Variants in MYO7B observed in about 807,000 individuals in gnomAD.
MYO7B encodes the protein myosin VIIB.
In MYO7B, 212 loss-of-function variants were observed where a neutral mutation model predicts 259.7. The ratio of observed to expected loss-of-function variants is 0.82; its 90% CI spans 0.73 to 0.91. The LOEUF (loss-of-function observed/expected upper bound fraction) is 0.91, where lower values mean the gene tolerates loss of function less well. Among genes scored for constraint, MYO7B ranks in the 40% least tolerant of loss-of-function variants. The pLI is 0.00. For synonymous variants in MYO7B, 1,197 were observed against 1,166.4 expected (o/e 1.03, Z -0.54); for missense variants, 2,732 against 2,813.5 (o/e 0.97, Z 0.66).
chr2:127,564,114 G>A (rs1034404024), intron 2 of MYO7B, 39 bp from the exon 3 acceptor site: 2 of 1,376,404 alleles, frequency 1.5e-6, no homozygotes, highest in Middle Eastern at 1.8e-4. Flanking sequence ...GGGGAAGAGA[G>A]AGCGGGGATC....
At position 127,634,244 on chromosome 2, in the gene MYO7B, G is replaced by A; in HGVS notation, c.5580G>A (p.Leu1860=). Residue 1860 remains leucine (L), a synonymous_variant, in exon 41 of 48, where the codon CTG becomes CTA. Coordinates refer to ENST00000409816, the MANE Select transcript of MYO7B (RefSeq NM_001393586.1). The part of the protein sequence containing the change: ...VCDSIATRLQ[L]ASWEGCSLFI... ...ACAGCATTGCCACCAGGCTGCAGCT[G>A]GCCTCCTGGGAGGGCTGCAGCCTCT... 6.3e-7 allele frequency: 1 copy of A among 1,596,402 alleles called. No individual in the cohort carries two copies. The highest frequency in any genetic ancestry group is 8.5e-7 in the Non-Finnish European group (1 of 1,174,914).
At position 127,596,351 on chromosome 2, in the gene MYO7B, C is replaced by T. The variant is rs1679768588; in HGVS notation, c.2245-111C>T. On this transcript the variant is annotated intron_variant, in intron 18 of 47. Coordinates refer to ENST00000409816, the MANE Select transcript of MYO7B (RefSeq NM_001393586.1). ...TGAGGGCCCCCTTCTCTGGCCTGCCCTCCTGGGAGAAGCCTGAGAGATGCT... is the reference window on the plus strand; with the variant it reads ...TGAGGGCCCCCTTCTCTGGCCTGCCTTCCTGGGAGAAGCCTGAGAGATGCT... 14 of 884,100 alleles carry T rather than the reference C, an allele frequency of 1.6e-5. No homozygotes were observed. In the Admixed American group the frequency reaches 2.7e-4, roughly 17 times the overall value. 54.8% of individuals were successfully genotyped at this position (884,100 alleles called of 1,614,324 possible).
chr2:127,636,512 C>T lies in MYO7B; in HGVS notation c.6124-33C>T, dbSNP rs747663479. The T allele has an allele frequency of 1.3e-6, 2 of 1,590,222 alleles. No homozygotes were observed. The highest frequency in any genetic ancestry group is 3.5e-5 in the Admixed American group (2 of 56,934). ...GGGAGGTGCAGCCTGGCCTCCCGGG[C>T]TGGACTATGACCGCCGTGTCCCTCC... On this transcript the variant is annotated intron_variant, in intron 45 of 47. Transcript: ENST00000409816. This position sits in a 1 kb window ranked among gnomAD's most constrained non-coding sequence, Gnocchi z 4.5.
In MYO7B at chr2:127,632,364, GC is replaced by G. The variant is rs746320826; in HGVS notation, c.5373del (p.Asp1792ThrfsTer10). The G allele has an allele frequency of 4.5e-5, 71 of 1,587,416 alleles. No individual in the cohort carries two copies. The highest frequency in any genetic ancestry group is 5.8e-5 in the Non-Finnish European group (68 of 1,166,394). On this transcript the variant is annotated frameshift_variant, in exon 39 of 48. Transcript: ENST00000409816. LOFTEE classifies it high-confidence loss of function. ...FIDTRRGKLL[A>X]PDCSRRIQKV... is the part of the protein sequence containing the mutation. Reference sequence around the variant, plus strand: ...AGACACTCGGAGGGGGAAGCTGCTGGCCCCCGACTGCAGCCGCCGAATCCAG... The same window carrying G: ...AGACACTCGGAGGGGGAAGCTGCTGGCCCCGACTGCAGCCGCCGAATCCAG...
intron 1 of MYO7B, among the ~76,000 whole-genome samples, chr2:127,541,327 C>G (rs1692996836): frequency 6.6e-6 from 1 of 152,356 alleles, no homozygotes; most frequent in South Asian, 2.1e-4. Context: ...CGAGGGCTGT[C>G]TCTCCTATGC....
intron 1 of MYO7B, among the ~76,000 whole-genome samples, chr2:127,538,220 A>G (rs1047892340): frequency 1.3e-5 from 2 of 152,150 alleles, no homozygotes; most frequent in Admixed American, 6.5e-5. Flanking sequence ...AGGAAGTACC[A>G]GTAAGGCTTG....
Position 127,620,448 on chromosome 2 carries a change from C to A in MYO7B, c.3507C>A (p.Pro1169=), listed in dbSNP as rs1044980497. ...LLSLCLGCFP[P]SERFMKYLLN... is the part of the protein sequence containing the mutation. ...GCCTCTGCCTCGGCTGCTTCCCACC[C>A]TCAGAGAGGTTCATGAAGGTGAGAG... The change falls in exon 27 of 48, where the codon CCC becomes CCA. Residue 1169 remains proline, a synonymous_variant. Transcript: ENST00000409816. 1.8e-5 allele frequency: 28 copies of A among 1,599,154 alleles called. No individual in the cohort carries two copies. Among genetic ancestry groups the A allele is most frequent in the Admixed American group, 5.1e-5 (3 of 59,188 alleles).
Position 127,593,565 on chromosome 2 carries a change from A to C in MYO7B, c.2165A>C (p.Gln722Pro), listed in dbSNP as rs1489110575. 3 of 1,613,406 alleles carry C rather than the reference A, an allele frequency of 1.9e-6. No individual in the cohort carries two copies. The Admixed American group carries it at 5.0e-5, about 27-fold the overall frequency. ...TGGCAGCTGCAAGGCAAGCTCCGCC[A>C]GATGACCCTGGGCATCACTGACGTG... ...MRMQLQGKLR[Q>P]MTLGITDVWL... Residue 722 changes from glutamine to proline, a missense_variant, in exon 18 of 48, where the codon CAG (glutamine) becomes CCG (proline). By Grantham distance (76) the Gln-to-Pro change is moderately conservative (BLOSUM62 -1). Around this residue, in one of 3 missense-constraint regions of MYO7B, gnomAD observed 1,906 missense variants for 2,026.4 expected, o/e 0.94. Transcript: ENST00000409816.
At position 127,629,707 on chromosome 2, in the gene MYO7B, C is replaced by G. The variant is rs752541336; in HGVS notation, c.4687C>G (p.Leu1563Val). The change falls in exon 35 of 48, where the codon CTG (leucine) becomes GTG (valine). Residue 1563 changes from leucine (L) to valine (V), a missense_variant. Physicochemically the swap from Leu to Val is conservative, Grantham distance 32. Transcript: ENST00000409816. The part of the protein sequence containing the change: ...DLLVLTKKQG[L>V]LASENWTLGQ... ...GTTGGTCCTCACAAAGAAGCAGGGG[C>G]TGCTGGCCTCTGAGAACTGGACCCT... is the stretch of plus-strand genomic sequence containing the variant. 1 of 1,612,390 alleles carries G rather than the reference C, an allele frequency of 6.2e-7. No individual in the cohort carries two copies. Among genetic ancestry groups the G allele is most frequent in the Non-Finnish European group, 8.5e-7 (1 of 1,179,480 alleles).
intron 1 of MYO7B, among the ~76,000 whole-genome samples, chr2:127,550,885 T>G (rs1693420178): frequency 6.6e-6 from 1 of 152,016 alleles, no homozygotes; most frequent in Non-Finnish European, 1.5e-5. Context: ...GATAATATAC[T>G]AGTCACTCAT....
Position 127,545,759 on chromosome 2 carries a change from A to G in MYO7B, c.-24+9928A>G, listed in dbSNP as rs962313596. Among the ~76,000 whole-genome samples the G allele has an allele frequency of 6.7e-4, 102 of 152,318 alleles. 1 individual carries two copies. Among genetic ancestry groups the G allele is most frequent in the African/African-American group, 2.4e-3 (100 of 41,578 alleles). On this transcript the variant is annotated intron_variant, in intron 1 of 47. Coordinates refer to ENST00000409816, the MANE Select transcript of MYO7B (RefSeq NM_001393586.1). ...GGGCTTATTGTGCAATGGAAGGGGC[A>G]TTGTATGTGGAGCTGTTGGCCCGGT...
intron 40 of MYO7B, among the ~76,000 whole-genome samples, chr2:127,633,584 C>G (rs1405212361): frequency 6.6e-6 from 1 of 152,156 alleles, no homozygotes; most frequent in Non-Finnish European, 1.5e-5. Flanking sequence ...TTGGGGGATC[C>G]AGGCCCAGGA....
Position 127,631,641 on chromosome 2 carries a change from T to TGGCCC in MYO7B, c.5138_5142dup (p.Thr1715GlyfsTer29). On this transcript the variant is annotated frameshift_variant, in exon 38 of 48. Coordinates refer to ENST00000409816, the MANE Select transcript of MYO7B (RefSeq NM_001393586.1). LOFTEE classifies it high-confidence loss of function. ...GGGCGACTACCCTTCTCGGCAGGCCTGGCCCACCCTGGAGCTCACCGACCA... is the reference window on the plus strand; with the variant it reads ...GGGCGACTACCCTTCTCGGCAGGCCTGGCCCGGCCCACCCTGGAGCTCACCGACCA... 6.2e-7 allele frequency: 1 copy of TGGCCC among 1,613,104 alleles called. No homozygotes were observed.
chr2:127,588,195 CAGG>C (rs1419563834), intron 14 of MYO7B, among the ~76,000 whole-genome samples, 194 bp from the exon 15 acceptor site: 4 of 151,998 alleles, frequency 2.6e-5, no homozygotes, highest in Admixed American at 2.6e-4. Flanking sequence ...AGAGTTTAGA[CAGG>C]AGAAGTGACT....
chr2:127,624,068 C>A (rs779065410), intron 29 of MYO7B, 25 bp from the exon 30 acceptor site: 6 of 1,538,842 alleles, frequency 3.9e-6, no homozygotes, highest in Middle Eastern at 2.1e-4. Context: ...AGCCGCTAAC[C>A]CCTGCTCCCC....
intron 19 of MYO7B, among the ~76,000 whole-genome samples, chr2:127,600,576 G>A (rs1679929522): frequency 6.6e-6 from 1 of 152,210 alleles, no homozygotes; most frequent in African/African-American, 2.4e-5. Flanking sequence ...TGGGTATGGT[G>A]GCAGGCGCTT....
chr2:127,616,839 A>G (rs2105057248), intron 26 of MYO7B, among the ~76,000 whole-genome samples: 1 of 152,266 alleles, frequency 6.6e-6, no homozygotes, highest in South Asian at 2.1e-4. Context: ...TGCCATTTTG[A>G]TGAAATTTTG....
chr2:127,593,539 T>C lies in MYO7B; in HGVS notation c.2146-7T>C, dbSNP rs746321573. 5.0e-6 allele frequency: 8 copies of C among 1,612,334 alleles called. No individual in the cohort carries two copies. Among genetic ancestry groups the C allele is most frequent in the Non-Finnish European group, 6.8e-6 (8 of 1,179,150 alleles). On this transcript the variant is annotated splice_region_variant and splice_polypyrimidine_tract_variant and intron_variant, in intron 17 of 47. Transcript: ENST00000409816. ...CTCCCACCGATACCCCCGTTTGGTC[T>C]TGGCAGCTGCAAGGCAAGCTCCGCC...
chr2:127,536,875 G>T (rs936361136), intron 1 of MYO7B, among the ~76,000 whole-genome samples: 1 of 152,176 alleles, frequency 6.6e-6, no homozygotes, highest in Non-Finnish European at 1.5e-5. Context: ...GTCCTCAGAT[G>T]CCACCTCTAA....
Sources: gnomAD v4.1 joint callset for allele counts (sites outside exome capture counted in the v4.1 genomes callset) on GRCh38, gnomAD v4.1.1 for gene constraint, gnomAD v4.1.1 regional missense constraint, Gnocchi (gnomAD v3.1) non-coding constraint, MANE v1.5 for transcripts, NCBI Gene and HGNC (gene_info 2026-07-23, HGNC 2026-07-21) for gene names.